The following PCDH7 variants were observed in gnomAD, a reference collection of about 807,000 sequenced individuals.
PCDH7 encodes the protein protocadherin 7.
Under a neutral mutation model 58.9 loss-of-function variants are expected in PCDH7, and 17 were observed. The observed-to-expected ratio is 0.29, with a 90% confidence interval of 0.20 to 0.43. The LOEUF (loss-of-function observed/expected upper bound fraction) is 0.43, where lower values mean the gene tolerates loss of function less well. Ranked by LOEUF, PCDH7 falls within the 20% of genes least tolerant of loss-of-function variation. PCDH7 has a pLI of 1.00. For synonymous variants in PCDH7, 664 were observed against 616.4 expected (o/e 1.08, Z -1.14); for missense variants, 1,274 against 1,441.0 (o/e 0.88, Z 1.88).
intron 3 of PCDH7, among the ~76,000 whole-genome samples, chr4:31,095,944 A>G (rs1447178055): frequency 6.6e-6 from 1 of 152,200 alleles, no homozygotes; most frequent in African/African-American, 2.4e-5. Flanking sequence ...TACCTATGTA[A>G]ACCTGAAACA....
chr4:31,079,156 G>A (rs1183092265), intron 3 of PCDH7, among the ~76,000 whole-genome samples: 1 of 150,674 alleles, frequency 6.6e-6, no homozygotes, highest in Non-Finnish European at 1.5e-5. Flanking sequence ...GTTTTCTTTT[G>A]CCAAACAAGA....
At chr4:31,125,235 G>C (rs16884382) in intron 3 of PCDH7, among the ~76,000 whole-genome samples, 9,028 of 152,186 alleles carry the variant, frequency 0.059, 671 homozygotes, top group East Asian at 0.29. Context: ...AAACAGGTTG[G>C]ACACCAACAG....
At chr4:30,773,322 T>A (rs1220181199) in intron 1 of PCDH7, among the ~76,000 whole-genome samples, 1 of 152,226 alleles carries the variant, frequency 6.6e-6, no homozygotes, top group African/African-American at 2.4e-5. Context: ...CACTTGAAAG[T>A]GGTCTCCTTT....
At chr4:30,843,150 T>A (rs911000089) in intron 1 of PCDH7, among the ~76,000 whole-genome samples, 1 of 151,980 alleles carries the variant, frequency 6.6e-6, no homozygotes, top group Non-Finnish European at 1.5e-5. Flanking sequence ...TTTCTACGAA[T>A]CTTTTTTTTG....
At chr4:30,903,274 G>A (rs984436739) in intron 1 of PCDH7, among the ~76,000 whole-genome samples, 7 of 152,036 alleles carry the variant, frequency 4.6e-5, no homozygotes, top group African/African-American at 1.7e-4. Flanking sequence ...AAACAAGAAA[G>A]AAGGAAGGAA....
rs575230111 is a variant in PCDH7 at position 30,966,952 on chromosome 4, C to T, written c.*7+16737C>T. ...TAAATTAAGCAATGCATCAACTTCTCTATGCCTCAGTTTCCTTATTGCAAA... is the reference window on the plus strand; with the variant it reads ...TAAATTAAGCAATGCATCAACTTCTTTATGCCTCAGTTTCCTTATTGCAAA... On this transcript the variant is annotated intron_variant, in intron 3 of 3. Coordinates refer to the PCDH7 transcript ENST00000509759. Among the ~76,000 whole-genome samples the T allele has an allele frequency of 4.9e-4, 75 of 152,218 alleles. 1 individual carries two copies. The South Asian group carries it at 0.011, about 22-fold the overall frequency.
At chr4:31,056,490 A>G (rs1757223387) in intron 3 of PCDH7, among the ~76,000 whole-genome samples, 1 of 139,710 alleles carries the variant, frequency 7.2e-6, no homozygotes, top group Non-Finnish European at 1.5e-5. Flanking sequence ...AGAAAGAAAG[A>G]AAGAAAGAAA....
intron 3 of PCDH7, among the ~76,000 whole-genome samples, chr4:31,040,682 C>T (rs1461500902): frequency 6.6e-6 from 1 of 152,154 alleles, no homozygotes; most frequent in East Asian, 1.9e-4. Context: ...TAAGCCTTTA[C>T]TCATCACATG....
intron 3 of PCDH7, among the ~76,000 whole-genome samples, chr4:31,036,129 A>G (rs1179841210): frequency 6.6e-6 from 1 of 152,182 alleles, no homozygotes; most frequent in African/African-American, 2.4e-5. Context: ...CTTAATCTGT[A>G]CTTTGCTAAG....
intron 1 of PCDH7, chr4:30,783,252 T>C (rs781196216): frequency 2.0e-5 from 3 of 152,184 alleles, no homozygotes; most frequent in Non-Finnish European, 4.4e-5. Flanking sequence ...TCTTAACCAA[T>C]GGTTCAACTC....
chr4:30,864,808 G>A lies in PCDH7; in HGVS notation c.71-55345G>A, dbSNP rs185987491. On this transcript the variant is annotated intron_variant, in intron 1 of 3. Transcript: ENST00000509759. ...CAAAAGTTCTCACAGGCTGGATTAG[G>A]GGTGGAGTTTTACAAAGCACAGTTG... Among the ~76,000 whole-genome samples, 27 of 152,120 alleles carry A rather than the reference G, an allele frequency of 1.8e-4. No individual in the cohort carries two copies. The East Asian group carries it at 4.1e-3, about 23-fold the overall frequency.
At chr4:31,025,465 A>G (rs182834483) in intron 3 of PCDH7, among the ~76,000 whole-genome samples, 1 of 152,286 alleles carries the variant, frequency 6.6e-6, no homozygotes, top group African/African-American at 2.4e-5. Flanking sequence ...TTCAGCTGAA[A>G]TGTTTTGATC....
chr4:30,943,416 C>T (rs1441931026), intron 2 of PCDH7, among the ~76,000 whole-genome samples: 3 of 152,134 alleles, frequency 2.0e-5, no homozygotes, highest in Non-Finnish European at 4.4e-5. Context: ...AGTGAGCAAA[C>T]TAAGGATTAC....
intron 3 of PCDH7, among the ~76,000 whole-genome samples, chr4:31,075,330 G>T (rs1041009677): frequency 6.6e-6 from 1 of 152,238 alleles, no homozygotes; most frequent in Non-Finnish European, 1.5e-5. Context: ...AACAACCAGA[G>T]ATTAAGAGTA....
At chr4:30,981,442 T>C (rs1750558061) in intron 3 of PCDH7, among the ~76,000 whole-genome samples, 2 of 152,174 alleles carry the variant, frequency 1.3e-5, no homozygotes, top group Admixed American at 6.5e-5. Context: ...ATTTGATGGG[T>C]AGCACATGAA....
At chr4:30,991,406 G>T (rs569418486) in intron 3 of PCDH7, among the ~76,000 whole-genome samples, 1 of 152,276 alleles carries the variant, frequency 6.6e-6, no homozygotes, top group African/African-American at 2.4e-5. Context: ...GAGGACAGAG[G>T]CTAGACAAGA....
At chr4:30,871,039 T>G (rs1735513304) in intron 1 of PCDH7, among the ~76,000 whole-genome samples, 1 of 152,064 alleles carries the variant, frequency 6.6e-6, no homozygotes, top group South Asian at 2.1e-4. Flanking sequence ...TTGTTTGAGT[T>G]TGGATTAAGG....
chr4:30,950,957 G>A (rs1052236685), intron 3 of PCDH7, among the ~76,000 whole-genome samples: 4 of 152,144 alleles, frequency 2.6e-5, no homozygotes, highest in Non-Finnish European at 5.9e-5. Context: ...TCACCAGGAA[G>A]CACCCGCCTT....
chr4:30,834,781 T>G (rs1730259036), intron 1 of PCDH7, among the ~76,000 whole-genome samples: 1 of 152,132 alleles, frequency 6.6e-6, no homozygotes, highest in Non-Finnish European at 1.5e-5. Context: ...GGTATGTTAT[T>G]TATTATGTAT....
Sources: gnomAD v4.1 joint callset for allele counts (sites outside exome capture counted in the v4.1 genomes callset) on GRCh38, gnomAD v4.1.1 for gene constraint, MANE v1.5 for transcripts, NCBI Gene and HGNC (gene_info 2026-07-23, HGNC 2026-07-21) for gene names.